The following KMT2D variants were observed in gnomAD, a reference collection of about 807,000 sequenced individuals.
KMT2D encodes the protein histone-lysine N-methyltransferase 2D.
Under a neutral mutation model 512.7 loss-of-function variants are expected in KMT2D, and 55 were observed. That is an observed-to-expected ratio of 0.11 (90% CI 0.09 to 0.13). KMT2D has a LOEUF of 0.13. KMT2D is among the 10% of genes least tolerant of loss of function. The pLI is 1.00. For synonymous variants in KMT2D, 2,995 were observed against 2,904.0 expected (o/e 1.03, Z -1.01); for missense variants, 6,061 against 7,127.9 (o/e 0.85, Z 5.39).
Position 49,020,856 on chromosome 12 carries a change from AGAAG to A in KMT2D, c.*920_*923del. 2 of 201,650 alleles carry A rather than the reference AGAAG, an allele frequency of 9.9e-6. No individual in the cohort carries two copies. The highest frequency in any genetic ancestry group is 2.0e-5 in the Non-Finnish European group (2 of 97,636). 12.5% of individuals were successfully genotyped at this position (201,650 alleles called of 1,614,324 possible). A position where few individuals can be genotyped will look rare whatever the true frequency, so the allele number is the denominator to read the frequency against. ...CCCTCCTGCCCCCATGTCCAGATGG[AGAAG>A]GAAGTCCTAGAGCAACTAGGGGCCA... On this transcript the variant is annotated 3_prime_UTR_variant, in exon 55 of 55. Coordinates refer to ENST00000301067, the MANE Select transcript of KMT2D (RefSeq NM_003482.4).
intron 43 of KMT2D, among the ~76,000 whole-genome samples, chr12:49,029,873 A>G (rs1942812317): frequency 6.6e-6 from 1 of 152,168 alleles, no homozygotes; most frequent in Non-Finnish European, 1.5e-5. Context: ...AACTCCATTA[A>G]GTGAGTACTA....
chr12:49,028,115 C>T lies in KMT2D; in HGVS notation c.14409G>A (p.Val4803=), dbSNP rs1174977382. Residue 4803 remains valine, a synonymous_variant, in exon 47 of 55, where the codon GTG becomes GTA. Transcript: ENST00000301067. ...GGATCTTCATGCTCAGCAGCTCCGC[C>T]ACTGCCACCATCACGCCATTCAGGT... ...AKNLNGVMVA[V]AELLSMKIPN... is the part of the protein sequence containing the mutation. 3 of 1,613,856 alleles carry T rather than the reference C, an allele frequency of 1.9e-6. No homozygotes were observed. The highest frequency in any genetic ancestry group is 1.1e-5 in the South Asian group (1 of 91,050).
Position 49,052,114 on chromosome 12 carries a change from C to T in KMT2D, c.1569G>A (p.Pro523=), listed in dbSNP as rs568575580. The change falls in exon 11 of 55, where the codon CCG becomes CCA. Residue 523 remains proline (P), a synonymous_variant. Transcript: ENST00000301067. ...GTGCAGGAGATGGGGGTGACTCTTC[C>T]GGTGGAGACAAGGGCGACTCCTCCA... ...SPLEESPLSP[P]EESPPSPALE... is the part of the protein sequence containing the mutation. 32 of 1,611,872 alleles carry T rather than the reference C, an allele frequency of 2.0e-5. No homozygotes were observed. Among genetic ancestry groups the T allele is most frequent in the African/African-American group, 1.8e-4 (13 of 74,210 alleles).
At position 49,055,281 on chromosome 12, in the gene KMT2D, G is replaced by A. The variant is rs756336640; in HGVS notation, c.44C>T (p.Pro15Leu). The change falls in exon 2 of 55, where the codon CCG becomes CTG. Residue 15 changes from proline to leucine, a missense_variant. By Grantham distance (98) the Pro-to-Leu change is moderately conservative (BLOSUM62 -3). Around this residue, in one of 16 missense-constraint regions of KMT2D, gnomAD observed 144 missense variants for 165.7 expected, o/e 0.87. Transcript: ENST00000301067. Reference sequence around the variant, plus strand: ...AAACAATTTGTCCTACTCACCTGCCGGTTCTGAATCTTTATCCTCACCAGC... The same window carrying A: ...AAACAATTTGTCCTACTCACCTGCCAGTTCTGAATCTTTATCCTCACCAGC... The part of the protein sequence containing the change: ...KLAGEDKDSE[P>L]AADGPAASED... 36 of 1,613,956 alleles carry A rather than the reference G, an allele frequency of 2.2e-5. No individual in the cohort carries two copies. The highest frequency in any genetic ancestry group is 3.0e-5 in the Non-Finnish European group (35 of 1,179,836).
rs781092896 is a variant in KMT2D at position 49,054,651 on chromosome 12, G to T, written c.277C>A (p.Arg93=). The change falls in exon 4 of 55, where the codon CGG becomes AGG. Residue 93 remains arginine (R), a synonymous_variant. Transcript: ENST00000301067. The surrounding 1 kb of genome is among the most constrained non-coding windows in gnomAD (Gnocchi z 6.4). The stretch of plus-strand genomic sequence containing the variant: ...CCCCCAGGGGACACCACTGGACACC[G>T]GGGCCAATCAAATGGCAACTCAAAG... The part of the protein sequence containing the change: ...RRFELPFDWP[R]CPVVSPGGSP... The T allele has an allele frequency of 1.2e-6, 2 of 1,612,344 alleles. No homozygotes were observed. Among genetic ancestry groups the T allele is most frequent in the Non-Finnish European group, 1.7e-6 (2 of 1,179,196 alleles).
In KMT2D at chr12:49,051,454, C is replaced by G. The variant is rs764176883; in HGVS notation, c.2229G>C (p.Leu743=). The G allele has an allele frequency of 6.2e-7, 1 of 1,613,134 alleles. No individual in the cohort carries two copies. The highest frequency in any genetic ancestry group is 1.3e-5 in the African/African-American group (1 of 74,674). ...QLCPRSEGPH[L]SPRPEEPHLS... is the part of the protein sequence containing the mutation. ...GGTGCGGCTCCTCAGGCCGGGGTGA[C>G]AGGTGCGGCCCCTCGGACCGGGGGC... The change falls in exon 11 of 55, where the codon CTG becomes CTC. Residue 743 remains leucine (L), a synonymous_variant. Transcript: ENST00000301067.
chr12:49,028,173 A>C (rs200425736), intron 46 of KMT2D, 32 bp from the exon 47 acceptor site: 7 of 1,613,336 alleles, frequency 4.3e-6, no homozygotes, highest in Non-Finnish European at 5.1e-6. Context: ...TGGAAGAAAC[A>C]TATCAGCCAA....
rs201896284 is a variant in KMT2D, at chr12:49,051,447, G to C, written c.2236C>G (p.Arg746Gly). 1 of 1,612,940 alleles carries C rather than the reference G, an allele frequency of 6.2e-7. No individual in the cohort carries two copies. Among genetic ancestry groups the C allele is most frequent in the Non-Finnish European group, 8.5e-7 (1 of 1,179,354 alleles). ...GGGGACAGGTGCGGCTCCTCAGGCC[G>C]GGGTGACAGGTGCGGCCCCTCGGAC... ...PRSEGPHLSP[R>G]PEEPHLSPRP... Residue 746 changes from arginine (R) to glycine (G), a missense_variant, in exon 11 of 55, where the codon CGG (arginine) becomes GGG (glycine). Transcript: ENST00000301067.
intron 51 of KMT2D, among the ~76,000 whole-genome samples, 176 bp from the exon 52 acceptor site, chr12:49,023,051 G>C (rs568750956): frequency 1.3e-5 from 2 of 152,168 alleles, no homozygotes; most frequent in African/African-American, 4.8e-5. Context: ...CTCAGCTCTG[G>C]TGAGGAAGCA....
rs1942157064 is a variant in KMT2D, at chr12:49,019,068, A to G, written c.*2712T>C. 7.5e-7 allele frequency: 1 copy of G among 1,336,064 alleles called. No homozygotes were observed. The highest frequency in any genetic ancestry group is 9.6e-7 in the Non-Finnish European group (1 of 1,041,052). The allele number at this position is 1,336,064 out of a possible 1,614,324, so 82.8% of individuals were successfully genotyped here. On this transcript the variant is annotated 3_prime_UTR_variant, in exon 55 of 55. Transcript: ENST00000301067. Reference sequence around the variant, plus strand: ...TTGCCCTTTGCCTCTCGCAACATAAATATGTACAGTTCAGAATGATCGCTG... The same window carrying G: ...TTGCCCTTTGCCTCTCGCAACATAAGTATGTACAGTTCAGAATGATCGCTG...
In KMT2D at chr12:49,027,268, T is replaced by C. The variant is rs1263629826; in HGVS notation, c.14698A>G (p.Asn4900Asp). 1 of 1,555,300 alleles carries C rather than the reference T, an allele frequency of 6.4e-7. No homozygotes were observed. Among genetic ancestry groups the C allele is most frequent in the African/African-American group, 1.4e-5 (1 of 73,118 alleles). ...GCCGAGAGCTGTCGCACATCCAGAT[T>C]GGAGACATTGTAGGTATAGCTGTGC... ...TQHSYTYNVS[N>D]LDVRQLSAPP... Residue 4900 changes from asparagine to aspartate, a missense_variant, in exon 49 of 55, where the codon AAT (asparagine) becomes GAT (aspartate). By Grantham distance (23) the Asn-to-Asp change is conservative (BLOSUM62 1). Transcript: ENST00000301067.
intron 1 of KMT2D, among the ~76,000 whole-genome samples, chr12:49,056,154 A>C (rs1938394421): frequency 6.6e-6 from 1 of 152,242 alleles, no homozygotes; most frequent in Non-Finnish European, 1.5e-5. Context: ...ATGTGTAGCC[A>C]GGCCTGAGGC....
In KMT2D at chr12:49,032,423, A is replaced by T. The variant is rs376593690; in HGVS notation, c.12282T>A (p.Pro4094=). Residue 4094 remains proline, a synonymous_variant, in exon 40 of 55, where the codon CCT becomes CCA. Coordinates refer to ENST00000301067, the MANE Select transcript of KMT2D (RefSeq NM_003482.4). ...GCTGCTGTTGTCCTGGAAGCCTCAG[A>T]GGTGGCTGCAGCTGCAGAGAGCTGG... ...PQPSSLQLQP[P]LRLPGQQQQQ... 3.2e-6 allele frequency: 5 copies of T among 1,582,238 alleles called. No homozygotes were observed. The highest frequency in any genetic ancestry group is 4.3e-6 in the Non-Finnish European group (5 of 1,164,342).
Position 49,052,105 on chromosome 12 carries a change from T to C in KMT2D, c.1578A>G (p.Ser526=). ...EESPLSPPEE[S]PPSPALETPL... ...GCGTCTCAAGTGCAGGAGATGGGGG[T>C]GACTCTTCCGGTGGAGACAAGGGCG... Residue 526 remains serine (S), a synonymous_variant, in exon 11 of 55, where the codon TCA becomes TCG. Coordinates refer to ENST00000301067, the MANE Select transcript of KMT2D (RefSeq NM_003482.4). The C allele has an allele frequency of 6.2e-7, 1 of 1,608,658 alleles. No homozygotes were observed. Among genetic ancestry groups the C allele is most frequent in the Non-Finnish European group, 8.5e-7 (1 of 1,178,512 alleles).
Position 49,033,622 on chromosome 12 carries a change from G to C in KMT2D, c.11083C>G (p.Pro3695Ala), listed in dbSNP as rs557907074. ...TTGCCAGGGAAGAAGCCCCCTGAAGGGCCAGCCAGGGATCCAGCCCCACCA... is the reference window on the plus strand; with the variant it reads ...TTGCCAGGGAAGAAGCCCCCTGAAGCGCCAGCCAGGGATCCAGCCCCACCA... ...HSGGAGSLAG[P>A]SGGFFPGNLA... The change falls in exon 40 of 55, where the codon CCT (proline) becomes GCT (alanine). Residue 3695 changes from proline (P) to alanine (A), a missense_variant. Coordinates refer to ENST00000301067, the MANE Select transcript of KMT2D (RefSeq NM_003482.4). 1 of 1,613,562 alleles carries C rather than the reference G, an allele frequency of 6.2e-7. No homozygotes were observed. The highest frequency in any genetic ancestry group is 8.5e-7 in the Non-Finnish European group (1 of 1,179,872).
Position 49,030,738 on chromosome 12 carries a change from C to G in KMT2D, c.13702G>C (p.Ala4568Pro), listed in dbSNP as rs1352215113. 1.9e-6 allele frequency: 3 copies of G among 1,613,548 alleles called. No individual in the cohort carries two copies. The highest frequency in any genetic ancestry group is 2.5e-6 in the Non-Finnish European group (3 of 1,179,876). Residue 4568 changes from alanine to proline, a missense_variant, in exon 42 of 55, where the codon GCT (alanine) becomes CCT (proline). This residue lies in a region of KMT2D where 1,600 missense variants were observed against 1,754.9 expected (regional missense o/e 0.91). Coordinates refer to ENST00000301067, the MANE Select transcript of KMT2D (RefSeq NM_003482.4). ...ELSLLPLTEP[A>P]ITANFSLFAP... ...AAGAGGCTAAAATTGGCGGTGATAG[C>G]AGGCTCCGTTAGGGGCAGCAGGGAC... is the stretch of plus-strand genomic sequence containing the variant.
chr12:49,019,369 G>T lies in KMT2D; in HGVS notation c.*2411C>A, dbSNP rs1451416653. 3.6e-5 allele frequency: 5 copies of T among 138,954 alleles called. No homozygotes were observed. The highest frequency in any genetic ancestry group is 1.4e-4 in the African/African-American group (5 of 36,930). The allele number at this position is 138,954 out of a possible 1,614,324, so 8.6% of individuals were successfully genotyped here. A position where few individuals can be genotyped will look rare whatever the true frequency, so the allele number is the denominator to read the frequency against. ...AACCCAAAATACAAACACGGGGGCG[G>T]GGGGTGGGGTGGGGGATTCTGATGC... On this transcript the variant is annotated 3_prime_UTR_variant, in exon 55 of 55. Coordinates refer to ENST00000301067, the MANE Select transcript of KMT2D (RefSeq NM_003482.4).
At position 49,032,066 on chromosome 12, in the gene KMT2D, G is replaced by A; in HGVS notation, c.12639C>T (p.His4213=). ...GVLAKNPQLR[H]LSPQQQQQLQ... ...GCTGCTGCTGCTGCTGAGGACTTAA[G>A]TGCCGCAGCTGTGGGTTTTTGGCCA... is the stretch of plus-strand genomic sequence containing the variant. Residue 4213 remains histidine, a synonymous_variant, in exon 40 of 55, where the codon CAC becomes CAT. Transcript: ENST00000301067. 6.2e-7 allele frequency: 1 copy of A among 1,613,404 alleles called. No homozygotes were observed. Among genetic ancestry groups the A allele is most frequent in the Non-Finnish European group, 8.5e-7 (1 of 1,179,594 alleles).
chr12:49,051,675 G>A lies in KMT2D; in HGVS notation c.2008C>T (p.Pro670Ser), dbSNP rs2120674535. 8 of 1,578,620 alleles carry A rather than the reference G, an allele frequency of 5.1e-6. No individual in the cohort carries two copies. Among genetic ancestry groups the A allele is most frequent in the Non-Finnish European group, 6.9e-6 (8 of 1,160,222 alleles). ...GACTCCTCAGGCGGTGGGGACAAGG[G>A]AGATTCCTCAGGCGGTGGAGACAGG... ...SRLSPPPEES[P>S]LSPPPEESPT... Residue 670 changes from proline (P) to serine (S), a missense_variant, in exon 11 of 55, where the codon CCC (proline) becomes TCC (serine). Transcript: ENST00000301067.
Sources: allele counts gnomAD v4.1 joint callset (sites outside exome capture counted in the v4.1 genomes callset), GRCh38; gene constraint gnomAD v4.1.1; regional missense constraint gnomAD v4.1.1; non-coding constraint Gnocchi (gnomAD v3.1); transcripts MANE v1.5; gene names NCBI Gene and HGNC (gene_info 2026-07-23, HGNC 2026-07-21).